Variants in AP1B1 observed in about 807,000 individuals in gnomAD.
AP1B1 encodes AP-1 complex subunit beta-1.
In AP1B1, 36 loss-of-function variants were observed where a neutral mutation model predicts 104.3. The ratio of observed to expected loss-of-function variants is 0.35; its 90% CI spans 0.26 to 0.46. The LOEUF (loss-of-function observed/expected upper bound fraction) is 0.46. AP1B1 is among the 20% of genes least tolerant of loss of function. The pLI is 1.00. For missense variants in AP1B1, 901 were observed against 1,247.9 expected (o/e 0.72, Z 4.19); for synonymous variants, 504 against 517.5 (o/e 0.97, Z 0.35).
chr22:29,337,634 G>C (rs547976589), intron 16 of AP1B1, among the ~76,000 whole-genome samples: 1 of 152,190 alleles, frequency 6.6e-6, no homozygotes, highest in African/African-American at 2.4e-5. Context: ...ATCAGGCCTG[G>C]TTGGTCCCCT....
intron 12 of AP1B1, 48 bp from the exon 13 acceptor site, chr22:29,341,808 G>A: frequency 6.4e-7 from 1 of 1,562,930 alleles, no homozygotes; most frequent in East Asian, 2.3e-5. Context: ...AGCCAGGTGA[G>A]AAGGGAGGAG....
chr22:29,329,870 G>C, intron 21 of AP1B1, 150 bp from the exon 22 acceptor site: 1 of 1,484,220 alleles, frequency 6.7e-7, no homozygotes, highest in Non-Finnish European at 9.0e-7. Flanking sequence ...GGCCATGCCT[G>C]CCAGAGACTC....
intron 17 of AP1B1, 69 bp downstream of exon 17, chr22:29,334,195 GA>G: frequency 7.3e-7 from 1 of 1,378,058 alleles, no homozygotes; most frequent in South Asian, 1.4e-5. Context: ...GCAGTCCCCA[GA>G]ACAGACTCCG....
At chr22:29,383,109 C>A (rs983608383) in intron 1 of AP1B1, among the ~76,000 whole-genome samples, 2 of 152,264 alleles carry the variant, frequency 1.3e-5, no homozygotes, top group Admixed American at 6.5e-5. Flanking sequence ...GTTGACCTAT[C>A]AGCATAGGCC....
intron 16 of AP1B1, among the ~76,000 whole-genome samples, chr22:29,338,400 T>C (rs1311507826): frequency 6.6e-6 from 1 of 152,216 alleles, no homozygotes; most frequent in East Asian, 1.9e-4. Context: ...ACAGTGACTT[T>C]GCCCTGCAGC....
At chr22:29,379,964 A>G (rs1244976745) in intron 1 of AP1B1, among the ~76,000 whole-genome samples, 1 of 152,238 alleles carries the variant, frequency 6.6e-6, no homozygotes, top group Non-Finnish European at 1.5e-5. Context: ...GGCCAAAACA[A>G]GAAGTCTGTG....
At chr22:29,364,669 C>T (rs1417250974) in intron 2 of AP1B1, among the ~76,000 whole-genome samples, 1 of 151,564 alleles carries the variant, frequency 6.6e-6, no homozygotes, top group Non-Finnish European at 1.5e-5. Flanking sequence ...CCGCCTTGGT[C>T]TCCCAAAGCA....
At chr22:29,356,183 G>A (rs1418303216) in intron 6 of AP1B1, among the ~76,000 whole-genome samples, 1 of 152,242 alleles carries the variant, frequency 6.6e-6, no homozygotes, top group Non-Finnish European at 1.5e-5. Context: ...GGTGCCCTGG[G>A]CTTCTGCCAG....
chr22:29,349,446 C>T, intron 10 of AP1B1, 63 bp from the exon 11 acceptor site: 15 of 1,578,376 alleles, frequency 9.5e-6, no homozygotes, highest in Non-Finnish European at 1.3e-5. Context: ...CCAGGGAAGC[C>T]AGACAGGGGC....
At chr22:29,348,841 CA>C (rs955097352) in intron 11 of AP1B1, among the ~76,000 whole-genome samples, 1 of 152,024 alleles carries the variant, frequency 6.6e-6, no homozygotes, top group Non-Finnish European at 1.5e-5. Context: ...CCTAAGAAAT[CA>C]AAAAAGTGAT....
At chr22:29,353,319 C>G (rs2061905896) in intron 7 of AP1B1, among the ~76,000 whole-genome samples, 1 of 152,148 alleles carries the variant, frequency 6.6e-6, no homozygotes, top group African/African-American at 2.4e-5. Context: ...ATGGGAGAGG[C>G]AAGACCCCGA....
intron 6 of AP1B1, among the ~76,000 whole-genome samples, chr22:29,355,671 G>C (rs2061945389): frequency 1.3e-5 from 2 of 151,954 alleles, no homozygotes. Context: ...TGAGATGGGT[G>C]GATTGCTTGA....
chr22:29,350,155 A>T lies in AP1B1; in HGVS notation c.1156-5T>A. ...CACACAGCGCTCCGCAGATTGCTGC[A>T]TGGGAAGAGAAGAGTGTGGGCGAGG... On this transcript the variant is annotated splice_region_variant and splice_polypyrimidine_tract_variant and intron_variant, in intron 9 of 22. Coordinates refer to ENST00000357586, the MANE Select transcript of AP1B1 (RefSeq NM_001127.4). The T allele has an allele frequency of 6.2e-7, 1 of 1,613,202 alleles. No homozygotes were observed. Among genetic ancestry groups the T allele is most frequent in the Non-Finnish European group, 8.5e-7 (1 of 1,179,212 alleles).
In AP1B1 at chr22:29,359,345, T is replaced by C. The variant is rs1191671435; in HGVS notation, c.280-374A>G. Among the ~76,000 whole-genome samples, 4 of 152,074 alleles carry C rather than the reference T, an allele frequency of 2.6e-5. No individual in the cohort carries two copies. In the East Asian group the frequency reaches 7.7e-4, roughly 29 times the overall value. On this transcript the variant is annotated intron_variant, in intron 4 of 22. Transcript: ENST00000357586. ...TCCACTGGGCCACAGAAGCCTCATT[T>C]CCCCATATCCGAGCACGGACAGGAC... is the stretch of plus-strand genomic sequence containing the variant.
intron 1 of AP1B1, among the ~76,000 whole-genome samples, chr22:29,379,159 G>C (rs1260114967): frequency 6.6e-6 from 1 of 152,190 alleles, no homozygotes; most frequent in East Asian, 1.9e-4. Context: ...TTCGAGACCA[G>C]CTTGGCCAAC....
At chr22:29,376,066 T>TA (rs1170080302) in intron 1 of AP1B1, among the ~76,000 whole-genome samples, 8 of 152,076 alleles carry the variant, frequency 5.3e-5, no homozygotes, top group Non-Finnish European at 1.2e-4. Flanking sequence ...CACGAGGAAG[T>TA]AGAGTATGAT....
intron 1 of AP1B1, among the ~76,000 whole-genome samples, chr22:29,375,762 AAT>A (rs1409747649): frequency 1.3e-5 from 2 of 152,218 alleles, no homozygotes; most frequent in Non-Finnish European, 2.9e-5. Context: ...CAAACAAAAG[AAT>A]ATGATTAATC....
At chr22:29,375,286 G>GT (rs1241015059) in intron 1 of AP1B1, among the ~76,000 whole-genome samples, 2 of 143,026 alleles carry the variant, frequency 1.4e-5, no homozygotes, top group African/African-American at 5.1e-5. Context: ...GGAGGCAGAG[G>GT]TTGTAGTGAG....
chr22:29,368,834 C>A (rs577316478), intron 1 of AP1B1, among the ~76,000 whole-genome samples: 10 of 151,580 alleles, frequency 6.6e-5, no homozygotes, highest in African/African-American at 2.4e-4. Flanking sequence ...CTGAGTGGCA[C>A]AAGAAGCACT....
Sources: allele counts gnomAD v4.1 joint callset (sites outside exome capture counted in the v4.1 genomes callset), GRCh38; gene constraint gnomAD v4.1.1; transcripts MANE v1.5; gene names NCBI Gene and HGNC (gene_info 2026-07-23, HGNC 2026-07-21).